The following ANKS6 variants were observed in gnomAD, a reference collection of about 807,000 sequenced individuals.
The protein encoded by ANKS6 is ankyrin repeat and sterile alpha motif domain containing 6, also known as ankyrin repeat and SAM domain-containing protein 6.
Under a neutral mutation model 77.9 loss-of-function variants are expected in ANKS6, and 47 were observed. The observed-to-expected ratio is 0.60, with a 90% CI of 0.48 to 0.77. The LOEUF is 0.77. Among genes scored for constraint, ANKS6 ranks in the 30% least tolerant of loss-of-function variants. ANKS6 has a pLI of 0.00. For missense variants in ANKS6, 1,150 were observed against 1,159.1 expected, an observed-to-expected ratio of 0.99 and a Z score of 0.11; for synonymous variants, 488 against 501.7, an observed-to-expected ratio of 0.97 and a Z score of 0.37.
At chr9:98,773,731 T>A in intron 9 of ANKS6, 146 bp downstream of exon 9, 3 of 597,248 alleles carry the variant, frequency 5.0e-6, no homozygotes, top group Non-Finnish European at 7.7e-6. Flanking sequence ...TAGGGCTTCA[T>A]TAGACAAAAG....
chr9:98,754,416 C>T (rs1234757341), intron 12 of ANKS6, among the ~76,000 whole-genome samples: 2 of 151,862 alleles, frequency 1.3e-5, no homozygotes, highest in Non-Finnish European at 2.9e-5. Context: ...CCGAGGCGGG[C>T]GGATCACGAG....
chr9:98,785,296 C>T (rs1834503820), intron 2 of ANKS6, among the ~76,000 whole-genome samples: 1 of 152,178 alleles, frequency 6.6e-6, no homozygotes, highest in Non-Finnish European at 1.5e-5. Context: ...AATCAGAGGA[C>T]CCCTGAGATA....
chr9:98,736,278 C>T lies in ANKS6; in HGVS notation c.*241G>A. ...TGAGTCCCTGCATCACTGTGTGAAC[C>T]AACCTGCCAAGCAGAAGCACCCCCA... On this transcript the variant is annotated 3_prime_UTR_variant, in exon 15 of 15. Transcript: ENST00000353234. 1 of 1,348,962 alleles carries T rather than the reference C, an allele frequency of 7.4e-7. No homozygotes were observed. Among genetic ancestry groups the T allele is most frequent in the Non-Finnish European group, 9.5e-7 (1 of 1,054,318 alleles). The allele number at this position is 1,348,962 out of a possible 1,614,324, so 83.6% of individuals were successfully genotyped here.
chr9:98,760,125 T>C (rs1225483092), intron 11 of ANKS6, among the ~76,000 whole-genome samples: 1 of 151,800 alleles, frequency 6.6e-6, no homozygotes, highest in East Asian at 1.9e-4. Flanking sequence ...TGAAAAAAAA[T>C]AAAAATTTAA....
At chr9:98,745,349 C>T (rs1832064713) in intron 14 of ANKS6, among the ~76,000 whole-genome samples, 1 of 152,186 alleles carries the variant, frequency 6.6e-6, no homozygotes, top group Admixed American at 6.5e-5. Flanking sequence ...CACACCTAGC[C>T]CTGTGCATTG....
rs1018700133 is a variant in ANKS6, at chr9:98,790,407, C to T, written c.559G>A (p.Asp187Asn). 5 of 1,613,700 alleles carry T rather than the reference C, an allele frequency of 3.1e-6. No homozygotes were observed. In the African/African-American group the frequency reaches 5.3e-5, roughly 17 times the overall value. The change falls in exon 2 of 15, where the codon GAT (aspartate) becomes AAT (asparagine). Residue 187 changes from aspartate (D) to asparagine (N), a missense_variant. Asp to Asn is a conservative substitution (Grantham distance 23). Transcript: ENST00000353234. ...AGGGCTGTGATGTCCAAGGGCTCAT[C>T]CCTGCTGCCGCCCAACCCCAGTTGC... ...GEQLGLGGSRDEPLDITALMA... is the reference protein window; with the variant it reads ...GEQLGLGGSRNEPLDITALMA...
chr9:98,767,759 C>CTA (rs138448258), intron 11 of ANKS6, among the ~76,000 whole-genome samples: 179 of 152,334 alleles, frequency 1.2e-3, no homozygotes, highest in African/African-American at 4.2e-3. Flanking sequence ...TCAACTCATG[C>CTA]TCTTAAACCA....
intron 14 of ANKS6, among the ~76,000 whole-genome samples, chr9:98,741,286 TCA>T (rs1831814285): frequency 6.6e-6 from 1 of 152,214 alleles, no homozygotes; most frequent in Admixed American, 6.5e-5. Flanking sequence ...CAAATTTATC[TCA>T]GTTATATTTT....
At chr9:98,795,526 A>C (rs1295608301) in intron 1 of ANKS6, among the ~76,000 whole-genome samples, 2 of 152,240 alleles carry the variant, frequency 1.3e-5, no homozygotes, top group African/African-American at 2.4e-5. Context: ...TCATTCTACC[A>C]GTCCTACCAG....
chr9:98,772,333 C>T (rs945562638), intron 9 of ANKS6, among the ~76,000 whole-genome samples: 4 of 152,132 alleles, frequency 2.6e-5, no homozygotes, highest in Admixed American at 1.3e-4. Context: ...ACAAGCCAAG[C>T]GAAGCCTAGA....
At position 98,788,426 on chromosome 9, in the gene ANKS6, G is replaced by C. The variant is rs1458085860; in HGVS notation, c.862+1678C>G. Among the ~76,000 whole-genome samples, 3 of 147,252 alleles carry C rather than the reference G, an allele frequency of 2.0e-5. No individual in the cohort carries two copies. In the East Asian group the frequency reaches 5.8e-4, roughly 29 times the overall value. On this transcript the variant is annotated intron_variant, in intron 2 of 14. Coordinates refer to ENST00000353234, the MANE Select transcript of ANKS6 (RefSeq NM_173551.5). ...GAGATTCAGCATGGCAGGTGTGCTGGGCACGGCAGGGCCTGGGAAGGGCAG... is the reference window on the plus strand; with the variant it reads ...GAGATTCAGCATGGCAGGTGTGCTGCGCACGGCAGGGCCTGGGAAGGGCAG...
At chr9:98,758,286 G>A (rs1319530962) in intron 11 of ANKS6, among the ~76,000 whole-genome samples, 3 of 149,598 alleles carry the variant, frequency 2.0e-5, no homozygotes, top group Admixed American at 6.7e-5. Context: ...GAGATCTTTC[G>A]GGTTGGCTCC....
intron 5 of ANKS6, among the ~76,000 whole-genome samples, chr9:98,780,903 C>CTTT (rs201837649): frequency 4.9e-5 from 7 of 141,664 alleles, no homozygotes; most frequent in East Asian, 2.1e-4. Flanking sequence ...ATGACTATTT[C>CTTT]TTTTTTTTTT....
chr9:98,788,412 T>C, intron 2 of ANKS6, among the ~76,000 whole-genome samples: 1 of 149,938 alleles, frequency 6.7e-6, no homozygotes, highest in Middle Eastern at 3.3e-3. Flanking sequence ...AGATTCAGCA[T>C]GGCAGGTGTG....
intron 1 of ANKS6, among the ~76,000 whole-genome samples, chr9:98,795,543 C>G (rs1398040941): frequency 6.6e-6 from 1 of 152,210 alleles, no homozygotes; most frequent in African/African-American, 2.4e-5. Flanking sequence ...CCAGCTCGTG[C>G]ACCCAAGCCT....
Position 98,796,310 on chromosome 9 carries a change from G to A in ANKS6, c.182C>T (p.Ala61Val). Reference protein sequence around the residue: ...GAEVAGPGAAAAGAVGAPVPV... With the variant: ...GAEVAGPGAAVAGAVGAPVPV... ...CACCGGAGCCCCGACTGCCCCCGCC[G>A]CTGCGGCCCCGGGCCCGGCCACCTC... The change falls in exon 1 of 15, where the codon GCG becomes GTG. Residue 61 changes from alanine (A) to valine (V), a missense_variant. Ala to Val is a moderately conservative substitution (Grantham distance 64). Coordinates refer to ENST00000353234, the MANE Select transcript of ANKS6 (RefSeq NM_173551.5). 2.4e-6 allele frequency: 3 copies of A among 1,251,006 alleles called. No homozygotes were observed. Among genetic ancestry groups the A allele is most frequent in the South Asian group, 6.3e-5 (2 of 31,780 alleles). 77.5% of individuals were successfully genotyped at this position (1,251,006 alleles called of 1,614,324 possible).
At position 98,791,212 on chromosome 9, in the gene ANKS6, A is replaced by G. The variant is rs896522872; in HGVS notation, c.360-606T>C. On this transcript the variant is annotated intron_variant, in intron 1 of 14. Coordinates refer to ENST00000353234, the MANE Select transcript of ANKS6 (RefSeq NM_173551.5). This position sits in a 1 kb window ranked among gnomAD's most constrained non-coding sequence, Gnocchi z 4.3. Reference sequence around the variant, plus strand: ...TCTCTGCCTGTGCTCTAATTTCCCCACAGGCAGAGCCCATGTCTGATTCAT... The same window carrying G: ...TCTCTGCCTGTGCTCTAATTTCCCCGCAGGCAGAGCCCATGTCTGATTCAT... Among the ~76,000 whole-genome samples, 4 of 152,128 alleles carry G rather than the reference A, an allele frequency of 2.6e-5. No homozygotes were observed. Among genetic ancestry groups the G allele is most frequent in the Admixed American group, 1.3e-4 (2 of 15,282 alleles).
chr9:98,760,052 T>C (rs1383887069), intron 11 of ANKS6, among the ~76,000 whole-genome samples: 1 of 152,112 alleles, frequency 6.6e-6, no homozygotes, highest in African/African-American at 2.4e-5. Context: ...CTGATCACTA[T>C]ATAGTATATG....
Position 98,778,313 on chromosome 9 carries a change from C to T in ANKS6, c.1480G>A (p.Ala494Thr), listed in dbSNP as rs1416186537. 1 of 1,614,204 alleles carries T rather than the reference C, an allele frequency of 6.2e-7. No individual in the cohort carries two copies. Among genetic ancestry groups the T allele is most frequent in the Non-Finnish European group, 8.5e-7 (1 of 1,180,036 alleles). The change falls in exon 7 of 15, where the codon GCT (alanine) becomes ACT (threonine). Residue 494 changes from alanine (A) to threonine (T), a missense_variant. Physicochemically the swap from Ala to Thr is moderately conservative, Grantham distance 58. Transcript: ENST00000353234. ...PLPFSDEPEP[A>T]LDSTMRAAPQ... is the part of the protein sequence containing the mutation. ...GCAGCCCTCATTGTGGAGTCCAGAG[C>T]TGGCTCAGGCTCGTCAGAGAAAGGC...
Sources: allele counts gnomAD v4.1 joint callset (sites outside exome capture counted in the v4.1 genomes callset), GRCh38; gene constraint gnomAD v4.1.1; non-coding constraint Gnocchi (gnomAD v3.1); transcripts MANE v1.5; gene names NCBI Gene and HGNC (gene_info 2026-07-23, HGNC 2026-07-21).